ASPRV1: variants seen among roughly 807,000 people sequenced by gnomAD.
ASPRV1 encodes aspartic peptidase retroviral like 1.
A neutral mutation model predicts 11.0 loss-of-function variants in ASPRV1; 7 were observed. The observed-to-expected ratio is 0.64, with a 90% CI of 0.36 to 1.20. ASPRV1 has a LOEUF of 1.20. Among genes scored for constraint, ASPRV1 ranks in the 50% most tolerant of loss-of-function variants. ASPRV1 has a pLI of 0.02. For missense variants in ASPRV1, 299 were observed against 320.0 expected, an observed-to-expected ratio of 0.93 and a Z score of 0.50; for synonymous variants, 136 against 138.4, an observed-to-expected ratio of 0.98 and a Z score of 0.12.
the ASPRV1 span, among the ~76,000 whole-genome samples, chr2:70,027,259 CAAAAAAAAAAAAAAAA>C: frequency 1.8e-4 from 9 of 49,666 alleles, no homozygotes; most frequent in Non-Finnish European, 2.5e-4. Context: ...CCCTGTCTCT[CAAAAAAAAAAAAAAAA>C]AAAAAAAAAG....
the ASPRV1 span, chr2:70,031,659 T>G: frequency 2.6e-5 from 4 of 152,102 alleles, no homozygotes; most frequent in Non-Finnish European, 5.9e-5. Context: ...ATTGAGCTAC[T>G]GCACTCCAGC....
At chr2:69,948,116 C>T in the ASPRV1 span, among the ~76,000 whole-genome samples, 1 of 150,946 alleles carries the variant, frequency 6.6e-6, no homozygotes, top group African/African-American at 2.4e-5. Flanking sequence ...AGGTAGTGGC[C>T]TGTGCCTGTG....
At chr2:69,982,732 C>T in the ASPRV1 span, among the ~76,000 whole-genome samples, 2 of 152,146 alleles carry the variant, frequency 1.3e-5, no homozygotes, top group African/African-American at 4.8e-5. Context: ...TGCTTCCCCC[C>T]TTCTCAGGCC....
the ASPRV1 span, among the ~76,000 whole-genome samples, chr2:69,991,789 G>A: frequency 4.6e-5 from 7 of 152,160 alleles, no homozygotes; most frequent in East Asian, 9.7e-4. Flanking sequence ...CAGGCAATCC[G>A]CCCACCTCGG....
the ASPRV1 span, among the ~76,000 whole-genome samples, chr2:69,946,585 G>A: frequency 3.9e-5 from 6 of 152,200 alleles, no homozygotes; most frequent in South Asian, 1.0e-3. Flanking sequence ...AGGAGAGAAC[G>A]TTCGAACACT....
At chr2:69,958,766 A>AG (rs1677996643), downstream of ASPRV1, among the ~76,000 whole-genome samples, 1 of 152,148 alleles carries the variant, frequency 6.6e-6, no homozygotes, top group South Asian at 2.1e-4. Context: ...AGGGGGATGC[A>AG]GGATCTGGGA....
chr2:70,027,100 A>G, the ASPRV1 span, among the ~76,000 whole-genome samples: 25 of 151,944 alleles, frequency 1.6e-4, no homozygotes, highest in Admixed American at 1.5e-3. Context: ...AAATTTAAAC[A>G]TTAAAAAATT....
the ASPRV1 span, chr2:70,085,435 A>C: frequency 6.6e-6 from 1 of 152,236 alleles, no homozygotes; most frequent in African/African-American, 2.4e-5. Flanking sequence ...CTGACTGCAC[A>C]ACAAAAGATT....
the ASPRV1 span, among the ~76,000 whole-genome samples, chr2:70,071,429 T>C: frequency 6.6e-6 from 1 of 152,212 alleles, no homozygotes; most frequent in Non-Finnish European, 1.5e-5. Flanking sequence ...ACATTTATTC[T>C]GTATAGTTCC....
chr2:69,948,196 C>T, the ASPRV1 span, among the ~76,000 whole-genome samples: 26 of 152,194 alleles, frequency 1.7e-4, no homozygotes, highest in South Asian at 3.9e-3. Context: ...TGCAGTGAGT[C>T]ACGATTGCAC....
chr2:70,007,135 G>A, the ASPRV1 span, among the ~76,000 whole-genome samples: 1 of 152,210 alleles, frequency 6.6e-6, no homozygotes, highest in Non-Finnish European at 1.5e-5. Flanking sequence ...AAAAATCTGG[G>A]AATTTAAATG....
chr2:69,968,516 C>G, the ASPRV1 span: 1 of 151,994 alleles, frequency 6.6e-6, no homozygotes, highest in East Asian at 1.9e-4. Flanking sequence ...ACAGTGAGAC[C>G]CTGTCTTGGA....
At chr2:70,068,556 A>T in the ASPRV1 span, among the ~76,000 whole-genome samples, 3 of 152,266 alleles carry the variant, frequency 2.0e-5, no homozygotes, top group African/African-American at 7.2e-5. Flanking sequence ...TAGTAGCTAG[A>T]GCAGCAGCAG....
the ASPRV1 span, among the ~76,000 whole-genome samples, chr2:70,037,941 C>G: frequency 6.6e-6 from 1 of 152,264 alleles, no homozygotes; most frequent in Admixed American, 6.5e-5. Context: ...CTAACACTAT[C>G]CTTTCCTGCT....
At chr2:70,012,817 T>C in the ASPRV1 span, among the ~76,000 whole-genome samples, 1 of 152,228 alleles carries the variant, frequency 6.6e-6, no homozygotes, top group East Asian at 1.9e-4. Context: ...TGCTTTTTCA[T>C]AGAACATCAT....
upstream of ASPRV1, chr2:69,961,873 C>T: frequency 1.7e-6 from 1 of 576,316 alleles, no homozygotes; most frequent in Non-Finnish European, 3.1e-6. Context: ...GGCCTGTGTT[C>T]CAGAATAACA....
the ASPRV1 span, chr2:70,085,816 C>T: frequency 1.3e-5 from 2 of 152,266 alleles, no homozygotes; most frequent in African/African-American, 2.4e-5. Context: ...TAAGATTCAC[C>T]GGCCAACTGT....
the ASPRV1 span, among the ~76,000 whole-genome samples, chr2:69,951,049 T>C: frequency 1.3e-4 from 20 of 151,830 alleles, no homozygotes; most frequent in Admixed American, 1.0e-3. Context: ...TGAGTGTATA[T>C]AGAGAAAGGT....
chr2:70,010,410 G>C, the ASPRV1 span, among the ~76,000 whole-genome samples: 1 of 152,124 alleles, frequency 6.6e-6, no homozygotes, highest in Non-Finnish European at 1.5e-5. Flanking sequence ...GCGTGGCAAG[G>C]GTGGAGGGCA....
Sources: gnomAD v4.1 joint callset for allele counts (sites outside exome capture counted in the v4.1 genomes callset) on GRCh38, gnomAD v4.1.1 for gene constraint, MANE v1.5 for transcripts, NCBI Gene and HGNC (gene_info 2026-07-23, HGNC 2026-07-21) for gene names.